The following PEBP4 variants were observed in gnomAD, a reference collection of about 807,000 sequenced individuals.
PEBP4 encodes phosphatidylethanolamine-binding protein 4.
PEBP4 carries 22 observed loss-of-function variants against 23.9 expected under a neutral mutation model. The observed-to-expected ratio is 0.92, with a 90% confidence interval of 0.66 to 1.31. PEBP4 has a LOEUF of 1.31. Among genes scored for constraint, PEBP4 ranks in the 40% most tolerant of loss-of-function variants. PEBP4 has a pLI of 0.00. For synonymous variants in PEBP4, 112 were observed against 99.3 expected (o/e 1.13, Z -0.76); for missense variants, 324 against 281.7 (o/e 1.15, Z -1.07).
intron 3 of PEBP4, among the ~76,000 whole-genome samples, chr8:22,840,241 T>C (rs1208991820): frequency 1.3e-5 from 2 of 152,174 alleles, no homozygotes; most frequent in East Asian, 3.8e-4. Context: ...AAACTGAGCA[T>C]CGTGGCCTAG....
At chr8:22,822,432 C>T (rs982645528) in intron 3 of PEBP4, among the ~76,000 whole-genome samples, 3 of 151,230 alleles carry the variant, frequency 2.0e-5, no homozygotes, top group African/African-American at 7.3e-5. Context: ...TCTGACACAT[C>T]CAAGAAAGTA....
At chr8:22,882,613 C>T (rs1808287797) in intron 3 of PEBP4, among the ~76,000 whole-genome samples, 1 of 152,172 alleles carries the variant, frequency 6.6e-6, no homozygotes, top group African/African-American at 2.4e-5. Flanking sequence ...GTGTATTAAT[C>T]GTGTCTTTTT....
chr8:22,755,326 C>CTTT (rs547269095), intron 4 of PEBP4, among the ~76,000 whole-genome samples: 16 of 114,590 alleles, frequency 1.4e-4, no homozygotes, highest in South Asian at 3.0e-4. Flanking sequence ...TTCTCTCCCT[C>CTTT]TTTTTTTTTT....
chr8:22,876,217 T>C (rs994851971), intron 3 of PEBP4, among the ~76,000 whole-genome samples: 23 of 152,158 alleles, frequency 1.5e-4, no homozygotes, highest in African/African-American at 4.6e-4. Flanking sequence ...GGCCGACAGA[T>C]GTCACCTGTT....
intron 3 of PEBP4, among the ~76,000 whole-genome samples, chr8:22,902,636 T>C (rs747158600): frequency 6.6e-6 from 1 of 152,178 alleles, no homozygotes; most frequent in Non-Finnish European, 1.5e-5. Flanking sequence ...CTGGACCCGA[T>C]GAATGCTGAG....
chr8:22,911,010 G>C (rs1218868700), intron 3 of PEBP4, among the ~76,000 whole-genome samples: 1 of 152,114 alleles, frequency 6.6e-6, no homozygotes, highest in Admixed American at 6.5e-5. Flanking sequence ...GGTGGGGGGA[G>C]CTGAGGGTAG....
intron 4 of PEBP4, chr8:22,755,615 C>G (rs1328146878): frequency 6.6e-6 from 1 of 152,130 alleles, no homozygotes; most frequent in African/African-American, 2.4e-5. Flanking sequence ...GGATTACAGG[C>G]GTGAGCCACC....
At chr8:22,907,212 A>T (rs1455140633) in intron 3 of PEBP4, among the ~76,000 whole-genome samples, 1 of 152,248 alleles carries the variant, frequency 6.6e-6, no homozygotes, top group Non-Finnish European at 1.5e-5. Context: ...TAATCCCAGC[A>T]CTTTGGCAGG....
chr8:22,728,609 T>C (rs59012542), intron 4 of PEBP4, among the ~76,000 whole-genome samples: 3 of 114,970 alleles, frequency 2.6e-5, no homozygotes, highest in African/African-American at 8.6e-5. Flanking sequence ...CCTTCCTTCC[T>C]TCCCTTTTTT....
At chr8:22,871,429 T>C (rs1394284624) in intron 3 of PEBP4, among the ~76,000 whole-genome samples, 1 of 152,194 alleles carries the variant, frequency 6.6e-6, no homozygotes, top group East Asian at 1.9e-4. Context: ...GAGATTTACA[T>C]CTATTATCAT....
At chr8:22,727,367 A>C in intron 4 of PEBP4, 147 bp from the exon 5 acceptor site, 1 of 778,836 alleles carries the variant, frequency 1.3e-6, no homozygotes, top group Non-Finnish European at 2.2e-6. Flanking sequence ...GAGGAGGAAA[A>C]TGGGAGAGCA....
At chr8:22,732,632 A>AG (rs771880432) in intron 4 of PEBP4, among the ~76,000 whole-genome samples, 20,697 of 76,114 alleles carry the variant, frequency 0.27, 1,839 homozygotes, top group Admixed American at 0.41. Flanking sequence ...AGCTGGCCCC[A>AG]TTTGTGTGTG....
intron 1 of PEBP4, among the ~76,000 whole-genome samples, chr8:22,938,055 G>T (rs1205276073): frequency 8.6e-5 from 13 of 152,016 alleles, no homozygotes. Flanking sequence ...CAAAAGCGGA[G>T]GCAGCAAAAG....
intron 6 of PEBP4, among the ~76,000 whole-genome samples, chr8:22,718,787 C>G (rs1346686168): frequency 6.6e-6 from 1 of 152,050 alleles, no homozygotes; most frequent in African/African-American, 2.4e-5. Flanking sequence ...TGGTGGGGGG[C>G]AGTCTGAGGG....
chr8:22,922,609 C>T (rs1003014958), intron 2 of PEBP4, among the ~76,000 whole-genome samples: 5 of 150,846 alleles, frequency 3.3e-5, no homozygotes, highest in Non-Finnish European at 5.9e-5. Context: ...CATGGTAGTG[C>T]CTGCCTGTGT....
intron 1 of PEBP4, among the ~76,000 whole-genome samples, chr8:22,938,238 A>C (rs2128783578): frequency 6.6e-6 from 1 of 151,798 alleles, no homozygotes; most frequent in East Asian, 1.9e-4. Flanking sequence ...CACTGTGTAG[A>C]CCTCTTGTTC....
At chr8:22,883,627 G>A (rs1282030877) in intron 3 of PEBP4, among the ~76,000 whole-genome samples, 3 of 152,180 alleles carry the variant, frequency 2.0e-5, no homozygotes, top group Admixed American at 1.3e-4. Flanking sequence ...CTTGCGTGGT[G>A]TTACCTCTAA....
At chr8:22,739,520 T>A (rs1169414007) in intron 4 of PEBP4, among the ~76,000 whole-genome samples, 2 of 152,072 alleles carry the variant, frequency 1.3e-5, no homozygotes. Context: ...TGACCAGACC[T>A]TTGCTCTCTA....
intron 3 of PEBP4, among the ~76,000 whole-genome samples, chr8:22,871,606 G>A (rs1455428272): frequency 1.4e-5 from 2 of 143,740 alleles, no homozygotes; most frequent in Non-Finnish European, 3.0e-5. Flanking sequence ...CCAGACTGGA[G>A]TGCAGTGGTA....
Sources: gnomAD v4.1 joint callset for allele counts (sites outside exome capture counted in the v4.1 genomes callset) on GRCh38, gnomAD v4.1.1 for gene constraint, MANE v1.5 for transcripts, NCBI Gene and HGNC (gene_info 2026-07-23, HGNC 2026-07-21) for gene names.